Variants in IQSEC3 observed in about 807,000 individuals in gnomAD.
IQSEC3 encodes the protein IQ motif and Sec7 domain ArfGEF 3.
In IQSEC3, 50 loss-of-function variants were observed where a neutral mutation model predicts 105.4. That is an observed-to-expected ratio of 0.47 (90% confidence interval 0.38 to 0.60). The LOEUF (loss-of-function observed/expected upper bound fraction) is 0.60, where lower values mean the gene tolerates loss of function less well. Among genes scored for constraint, IQSEC3 ranks in the 20% least tolerant of loss-of-function variants. The pLI is 0.00. For synonymous variants in IQSEC3, 708 were observed against 746.0 expected (o/e 0.95, Z 0.83); for missense variants, 1,415 against 1,630.0 (o/e 0.87, Z 2.27).
Position 157,098 on chromosome 12 carries a change from C to G in IQSEC3, c.2227C>G (p.Arg743Gly), listed in dbSNP as rs149681841. The stretch of plus-strand genomic sequence containing the variant: ...CCTGCGCAAGTTCCAGGCACACATC[C>G]GTGTGCAGGGGGAGGCTCAGAAGGT... ...EALRKFQAHI[R>G]VQGEAQKVER... The change falls in exon 6 of 14, where the codon CGT becomes GGT. Residue 743 changes from arginine (R) to glycine (G), a missense_variant. Around this residue, in one of 6 missense-constraint regions of IQSEC3, gnomAD observed 213 missense variants for 306.2 expected, o/e 0.70. Transcript: ENST00000538872. 11 of 1,603,154 alleles carry G rather than the reference C, an allele frequency of 6.9e-6. 1 individual carries two copies. Among genetic ancestry groups the G allele is most frequent in the Admixed American group, 1.7e-5 (1 of 58,592 alleles).
chr12:103,086 G>A (rs1445561038), intron 2 of IQSEC3, among the ~76,000 whole-genome samples: 2 of 152,066 alleles, frequency 1.3e-5, no homozygotes, highest in East Asian at 1.9e-4. Context: ...TGCCCCTACC[G>A]ACCGCCTCCC....
In IQSEC3 at chr12:157,518, C is replaced by T; in HGVS notation, c.2277-10C>T. The T allele has an allele frequency of 6.8e-6, 11 of 1,606,094 alleles. No individual in the cohort carries two copies. Among genetic ancestry groups the T allele is most frequent in the Non-Finnish European group, 9.4e-6 (11 of 1,175,612 alleles). On this transcript the variant is annotated splice_polypyrimidine_tract_variant and intron_variant, in intron 6 of 13. Transcript: ENST00000538872. Reference sequence around the variant, plus strand: ...GCTCAGCGTCCGCTCTGCATCTGACCCCCCCACAGCCAGCGCTACTGCATG... The same window carrying T: ...GCTCAGCGTCCGCTCTGCATCTGACTCCCCCACAGCCAGCGCTACTGCATG...
intron 2 of IQSEC3, among the ~76,000 whole-genome samples, chr12:107,168 A>G (rs1241636937): frequency 6.6e-6 from 1 of 152,170 alleles, no homozygotes; most frequent in Non-Finnish European, 1.5e-5. Flanking sequence ...AGTGGCTCCC[A>G]TTGTCTGAAT....
At chr12:119,370 C>T (rs1002024088) in intron 2 of IQSEC3, among the ~76,000 whole-genome samples, 5 of 152,164 alleles carry the variant, frequency 3.3e-5, no homozygotes, top group Non-Finnish European at 7.3e-5. Flanking sequence ...GTCTGTAAAG[C>T]CCCTGACATG....
At chr12:115,853 T>G (rs995815750) in intron 2 of IQSEC3, among the ~76,000 whole-genome samples, 7 of 152,142 alleles carry the variant, frequency 4.6e-5, no homozygotes, top group Admixed American at 3.3e-4. Flanking sequence ...GCATCATCTG[T>G]AACTCAGAGT....
At chr12:145,021 T>TG (rs782506030) in intron 5 of IQSEC3, among the ~76,000 whole-genome samples, 1 of 152,218 alleles carries the variant, frequency 6.6e-6, no homozygotes, top group Non-Finnish European at 1.5e-5. Context: ...TTTGTAGCGA[T>TG]GGGGGTCTCA....
Position 138,434 on chromosome 12 carries a change from G to A in IQSEC3, c.1071G>A (p.Arg357=). ...LPRRISLRKV[R]SPTAESLAAE... ...GGCGGATCTCCCTGCGCAAGGTGCG[G>A]TCACCCACGGCCGAGAGCCTGGCGG... is the stretch of plus-strand genomic sequence containing the variant. The change falls in exon 4 of 14, where the codon CGG becomes CGA. Residue 357 remains arginine (R), a synonymous_variant. Transcript: ENST00000538872. This position sits in a 1 kb window ranked among gnomAD's most constrained non-coding sequence, Gnocchi z 7.1. 6.2e-7 allele frequency: 1 copy of A among 1,606,544 alleles called. No homozygotes were observed. The highest frequency in any genetic ancestry group is 8.5e-7 in the Non-Finnish European group (1 of 1,179,586).
intron 1 of IQSEC3, among the ~76,000 whole-genome samples, chr12:90,922 A>G (rs1393371027): frequency 6.6e-6 from 1 of 152,194 alleles, no homozygotes; most frequent in Non-Finnish European, 1.5e-5. Context: ...AGAAAGTGGA[A>G]AAAAATCCAG....
At chr12:86,804 C>A (rs1424091716) in intron 1 of IQSEC3, among the ~76,000 whole-genome samples, 1 of 152,024 alleles carries the variant, frequency 6.6e-6, no homozygotes, top group Non-Finnish European at 1.5e-5. Context: ...TTTTACAGTT[C>A]AGGAGACCGA....
Position 169,041 on chromosome 12 carries a change from G to C in IQSEC3, c.3000G>C (p.Lys1000Asn). Reference protein sequence around the residue: ...EWELEKQQGTKTLSFKPCGAQ... With the variant: ...EWELEKQQGTNTLSFKPCGAQ... ...AGCTGGAGAAGCAGCAGGGAACAAAGACACTCTCCTTCAAGCCCTGCGGAG... is the reference window on the plus strand; with the variant it reads ...AGCTGGAGAAGCAGCAGGGAACAAACACACTCTCCTTCAAGCCCTGCGGAG... Residue 1000 changes from lysine to asparagine, a missense_variant, in exon 12 of 14, where the codon AAG becomes AAC. This residue lies in a region of IQSEC3 where 419 missense variants were observed against 436.2 expected (regional missense o/e 0.96). Coordinates refer to ENST00000538872, the MANE Select transcript of IQSEC3 (RefSeq NM_001170738.2). 6.2e-7 allele frequency: 1 copy of C among 1,614,110 alleles called. No individual in the cohort carries two copies. Among genetic ancestry groups the C allele is most frequent in the Non-Finnish European group, 8.5e-7 (1 of 1,180,020 alleles).
intron 2 of IQSEC3, among the ~76,000 whole-genome samples, chr12:120,352 G>T (rs1865178256): frequency 2.0e-5 from 3 of 152,150 alleles, no homozygotes; most frequent in Admixed American, 2.0e-4. Flanking sequence ...TCTGGCAAAA[G>T]TATCAGTGTG....
intron 11 of IQSEC3, among the ~76,000 whole-genome samples, chr12:168,472 C>G (rs1938792446): frequency 6.6e-6 from 1 of 152,200 alleles, no homozygotes. Flanking sequence ...CTCTGCTGTG[C>G]CAAGTGCGTT....
At chr12:139,452 C>A (rs1865928062) in intron 4 of IQSEC3, 98 bp downstream of exon 4, 1 of 1,022,354 alleles carries the variant, frequency 9.8e-7, no homozygotes, top group Admixed American at 2.9e-5. Flanking sequence ...CGCCAGGTAA[C>A]TTCCCACGTC....
intron 2 of IQSEC3, among the ~76,000 whole-genome samples, chr12:124,389 C>A (rs371328219): frequency 3.2e-3 from 403 of 124,762 alleles, no homozygotes; most frequent in Non-Finnish European, 3.9e-3. Context: ...AACTCCATCT[C>A]AAAAAAAAAA....
In IQSEC3 at chr12:99,158, G is replaced by C. The variant is rs1555075460; in HGVS notation, c.567G>C (p.Val189=). 1 of 1,598,842 alleles carries C rather than the reference G, an allele frequency of 6.3e-7. No individual in the cohort carries two copies. The highest frequency in any genetic ancestry group is 8.5e-7 in the Non-Finnish European group (1 of 1,179,712). Residue 189 remains valine (V), a synonymous_variant, in exon 2 of 14, where the codon GTG becomes GTC. Transcript: ENST00000538872. ...VLSRRPENET[V]LHQFCCPAAD... ...GCTCTGCCCGCAGGAATGAGACCGT[G>C]CTGCACCAGTTCTGCTGCCCAGCCG...
chr12:175,282 G>A lies in IQSEC3; in HGVS notation c.*249G>A, dbSNP rs1316306621. 2 of 450,288 alleles carry A rather than the reference G, an allele frequency of 4.4e-6. No homozygotes were observed. The highest frequency in any genetic ancestry group is 3.4e-5 in the East Asian group (1 of 29,534). 27.9% of individuals were successfully genotyped at this position (450,288 alleles called of 1,614,324 possible). On this transcript the variant is annotated 3_prime_UTR_variant, in exon 14 of 14. Coordinates refer to ENST00000538872, the MANE Select transcript of IQSEC3 (RefSeq NM_001170738.2). ...CCAGGGCCCTACACAGCCAGACCCG[G>A]CGAGGCCTCCTCTTCCCCTGGCCAC...
intron 2 of IQSEC3, among the ~76,000 whole-genome samples, chr12:116,375 C>G (rs1264597181): frequency 6.6e-6 from 1 of 152,066 alleles, no homozygotes; most frequent in Admixed American, 6.5e-5. Flanking sequence ...AAGGCACTCG[C>G]CCCGGAGACC....
intron 5 of IQSEC3, chr12:143,844 TG>T (rs1555090117): frequency 3.8e-5 from 6 of 158,260 alleles, no homozygotes; most frequent in Non-Finnish European, 5.5e-5. Flanking sequence ...TGTGTGTGTG[TG>T]TGTGTGTGTG....
chr12:123,104 C>T lies in IQSEC3; in HGVS notation c.624-2529C>T, dbSNP rs140359465. ...ACTTCCCAGTGACACTAGTGAAAAA[C>T]ATATCAAAGATGTCTAGAGGCTGGG... is the stretch of plus-strand genomic sequence containing the variant. On this transcript the variant is annotated intron_variant, in intron 2 of 13. Transcript: ENST00000538872. Among the ~76,000 whole-genome samples, 1,032 of 152,246 alleles carry T rather than the reference C, an allele frequency of 6.8e-3. 12 individuals are homozygous for T. Among genetic ancestry groups the T allele is most frequent in the African/African-American group, 0.023 (964 of 41,542 alleles).
Sources: allele counts gnomAD v4.1 joint callset (sites outside exome capture counted in the v4.1 genomes callset), GRCh38; gene constraint gnomAD v4.1.1; regional missense constraint gnomAD v4.1.1; non-coding constraint Gnocchi (gnomAD v3.1); transcripts MANE v1.5; gene names NCBI Gene and HGNC (gene_info 2026-07-23, HGNC 2026-07-21).